Variants in TOR1AIP2 observed in about 807,000 individuals in gnomAD.
TOR1AIP2 encodes torsin-1A-interacting protein 2.
Under a neutral mutation model 32.6 loss-of-function variants are expected in TOR1AIP2, and 20 were observed. That is an observed-to-expected ratio of 0.61 (90% CI 0.43 to 0.89). TOR1AIP2 has a LOEUF of 0.89. Among genes scored for constraint, TOR1AIP2 ranks in the 40% least tolerant of loss-of-function variants. The pLI is 0.00. For synonymous variants in TOR1AIP2, 214 were observed against 210.8 expected, an observed-to-expected ratio of 1.02 and a Z score of -0.13; for missense variants, 456 against 553.8, an observed-to-expected ratio of 0.82 and a Z score of 1.77.
At chr1:179,872,618 T>C (rs7411457) in intron 2 of TOR1AIP2, among the ~76,000 whole-genome samples, 31,380 of 152,196 alleles carry the variant, frequency 0.21, 3,405 homozygotes, top group African/African-American at 0.23. Context: ...TACACAGGAA[T>C]TGAATGCCTG....
intron 2 of TOR1AIP2, chr1:179,875,436 A>G (rs1450834386): frequency 6.6e-6 from 1 of 152,246 alleles, no homozygotes; most frequent in Non-Finnish European, 1.5e-5. Flanking sequence ...AAGTCCTCAA[A>G]AACCGTAAAT....
intron 2 of TOR1AIP2, 47 bp downstream of exon 2, chr1:179,877,192 G>A (rs1647393395): frequency 2.0e-5 from 3 of 152,064 alleles, no homozygotes; most frequent in Non-Finnish European, 4.4e-5. Flanking sequence ...ATATTTATAA[G>A]ATTCAGTTTC....
In TOR1AIP2 at chr1:179,852,677, A is replaced by ATC; in HGVS notation, c.-14_-13dup. On this transcript the variant is annotated 5_prime_UTR_variant, in exon 4 of 7. Transcript: ENST00000609928. Reference sequence around the variant, plus strand: ...CCACTGTCGGCCATGTTTGTGTTCTATCTCTTCAGAGTTGGGAGGATACTT... The same window carrying ATC: ...CCACTGTCGGCCATGTTTGTGTTCTATCTCTCTTCAGAGTTGGGAGGATACTT... The ATC allele has an allele frequency of 6.2e-7, 1 of 1,614,004 alleles. No homozygotes were observed. The highest frequency in any genetic ancestry group is 8.5e-7 in the Non-Finnish European group (1 of 1,179,948).
intron 3 of TOR1AIP2, chr1:179,863,414 C>T: frequency 9.1e-6 from 9 of 985,186 alleles, no homozygotes; most frequent in Non-Finnish European, 1.1e-5. Context: ...AAATAAAACA[C>T]TGACTTGAAA....
chr1:179,845,938 A>T lies in TOR1AIP2; in HGVS notation c.*133T>A, dbSNP rs1695885280. 4.9e-6 allele frequency: 4 copies of T among 808,804 alleles called. No individual in the cohort carries two copies. In the Admixed American group the frequency reaches 1.2e-4, roughly 24 times the overall value. 50.1% of individuals were successfully genotyped at this position (808,804 alleles called of 1,614,324 possible). ...GAATAAAAAATAAAAACTTGTTTCT[A>T]AAATAAGCTCATCTTTGTTTTTCAG... On this transcript the variant is annotated 3_prime_UTR_variant, in exon 7 of 7. Coordinates refer to ENST00000609928, the MANE Select transcript of TOR1AIP2 (RefSeq NM_001199260.2).
At chr1:179,863,444 C>CT in intron 3 of TOR1AIP2, 1 of 985,224 alleles carries the variant, frequency 1.0e-6, no homozygotes, top group Non-Finnish European at 1.2e-6. Flanking sequence ...TTGCTCTCTA[C>CT]TTCCAGCCTT....
chr1:179,851,990 AG>A (rs1172521179), intron 4 of TOR1AIP2, among the ~76,000 whole-genome samples: 8 of 152,204 alleles, frequency 5.3e-5, no homozygotes, highest in African/African-American at 1.7e-4. Flanking sequence ...CTTTAATAAA[AG>A]TAAGAATGGC....
Position 179,846,196 on chromosome 1 carries a change from C to T in TOR1AIP2, c.1288G>A (p.Asp430Asn), listed in dbSNP as rs1558007642. Residue 430 changes from aspartate (D) to asparagine (N), a missense_variant, in exon 7 of 7, where the codon GAC becomes AAC. Asp to Asn is a conservative substitution (Grantham distance 23). Coordinates refer to ENST00000609928, the MANE Select transcript of TOR1AIP2 (RefSeq NM_001199260.2). Reference protein sequence around the residue: ...DLLWAKFTNSDTPTSFNHMDS... With the variant: ...DLLWAKFTNSNTPTSFNHMDS... ...ATGTGGTTGAAGGAGGTGGGAGTGTCAGAGTTGGTAAACTTGGCCCAGAGT... is the reference window on the plus strand; with the variant it reads ...ATGTGGTTGAAGGAGGTGGGAGTGTTAGAGTTGGTAAACTTGGCCCAGAGT... 1 of 1,614,180 alleles carries T rather than the reference C, an allele frequency of 6.2e-7. No individual in the cohort carries two copies.
At position 179,852,762 on chromosome 1, in the gene TOR1AIP2, A is replaced by C; in HGVS notation, c.-97T>G. 1 of 1,594,050 alleles carries C rather than the reference A, an allele frequency of 6.3e-7. No homozygotes were observed. The highest frequency in any genetic ancestry group is 8.6e-7 in the Non-Finnish European group (1 of 1,169,076). ...TGTTTTCTTCTTGTCCCAAGTCCCA[A>C]CAGACTCATGCTTCCCATGGACCCA... On this transcript the variant is annotated 5_prime_UTR_variant, in exon 4 of 7. Transcript: ENST00000609928.
In TOR1AIP2 at chr1:179,846,327, T is replaced by C. The variant is rs760297975; in HGVS notation, c.1157A>G (p.Asn386Ser). Residue 386 changes from asparagine (N) to serine (S), a missense_variant, in exon 7 of 7, where the codon AAT (asparagine) becomes AGT (serine). Physicochemically the swap from Asn to Ser is conservative, Grantham distance 46. Coordinates refer to ENST00000609928, the MANE Select transcript of TOR1AIP2 (RefSeq NM_001199260.2). ...LIFYKYCDHE[N>S]AAFKDVALVL... Reference sequence around the variant, plus strand: ...CAGGGCCACATCTTTAAAGGCAGCATTCTCATGATCACAATACTTATAGAA... The same window carrying C: ...CAGGGCCACATCTTTAAAGGCAGCACTCTCATGATCACAATACTTATAGAA... The C allele has an allele frequency of 6.2e-7, 1 of 1,614,112 alleles. No individual in the cohort carries two copies.
intron 2 of TOR1AIP2, among the ~76,000 whole-genome samples, chr1:179,870,151 C>G (rs1265108052): frequency 2.0e-5 from 3 of 152,188 alleles, no homozygotes; most frequent in African/African-American, 7.2e-5. Context: ...AATCCCAGCA[C>G]TTTGGGAGGC....
chr1:179,865,257 C>T (rs1696722544), intron 3 of TOR1AIP2, 179 bp downstream of exon 3: 1 of 1,476,782 alleles, frequency 6.8e-7, no homozygotes, highest in South Asian at 1.5e-5. Flanking sequence ...AACACCAGTC[C>T]TATTACAGGT....
intron 2 of TOR1AIP2, among the ~76,000 whole-genome samples, chr1:179,870,125 G>C (rs144531054): frequency 3.3e-5 from 5 of 152,180 alleles, no homozygotes; most frequent in Admixed American, 3.3e-4. Flanking sequence ...GGCTGGGCAC[G>C]GTGGTTTACG....
At chr1:179,872,375 A>G (rs975688661) in intron 2 of TOR1AIP2, among the ~76,000 whole-genome samples, 3 of 152,188 alleles carry the variant, frequency 2.0e-5, no homozygotes, top group Non-Finnish European at 4.4e-5. Context: ...AAGCTTAGGT[A>G]TTTCTATAAC....
intron 3 of TOR1AIP2, chr1:179,859,399 G>A: frequency 1.0e-6 from 1 of 985,126 alleles, no homozygotes; most frequent in Non-Finnish European, 1.2e-6. Flanking sequence ...TTGAACTCAG[G>A]TAGTCTAGCT....
rs1178739168 is a variant in TOR1AIP2 at position 179,852,775 on chromosome 1, T to C, written c.-110A>G. 6.3e-7 allele frequency: 1 copy of C among 1,578,490 alleles called. No individual in the cohort carries two copies. Among genetic ancestry groups the C allele is most frequent in the Non-Finnish European group, 8.6e-7 (1 of 1,161,098 alleles). On this transcript the variant is annotated 5_prime_UTR_variant, in exon 4 of 7. Coordinates refer to ENST00000609928, the MANE Select transcript of TOR1AIP2 (RefSeq NM_001199260.2). ...TCCCAAGTCCCAACAGACTCATGCT[T>C]CCCATGGACCCAGGAAATAAGGCAT... is the stretch of plus-strand genomic sequence containing the variant.
rs1441327277 is a variant in TOR1AIP2 at position 179,845,349 on chromosome 1, A to G, written c.*722T>C. The G allele has an allele frequency of 6.6e-6, 1 of 152,338 alleles. No homozygotes were observed. Among genetic ancestry groups the G allele is most frequent in the East Asian group, 1.9e-4 (1 of 5,188 alleles). 9.4% of individuals were successfully genotyped at this position (152,338 alleles called of 1,614,324 possible). On this transcript the variant is annotated 3_prime_UTR_variant, in exon 7 of 7. Transcript: ENST00000609928. ...GCTGTAAATTGTTCAAGAAAAGCTGAAGTAAAGATATAGCCAATTGGAATT... is the reference window on the plus strand; with the variant it reads ...GCTGTAAATTGTTCAAGAAAAGCTGGAGTAAAGATATAGCCAATTGGAATT...
chr1:179,856,988 A>G (rs1411378668), intron 3 of TOR1AIP2, among the ~76,000 whole-genome samples: 2 of 152,212 alleles, frequency 1.3e-5, no homozygotes, highest in Non-Finnish European at 1.5e-5. Context: ...TGGACTGCAT[A>G]ATGGAAGTGA....
At chr1:179,867,392 T>C (rs1558025956) in intron 2 of TOR1AIP2, 1 of 152,192 alleles carries the variant, frequency 6.6e-6, no homozygotes, top group Non-Finnish European at 1.5e-5. Flanking sequence ...CAGGGCATAA[T>C]AGATTTCCCT....
Sources: allele counts gnomAD v4.1 joint callset (sites outside exome capture counted in the v4.1 genomes callset), GRCh38; gene constraint gnomAD v4.1.1; transcripts MANE v1.5; gene names NCBI Gene and HGNC (gene_info 2026-07-23, HGNC 2026-07-21).